FHIT: variants seen among roughly 807,000 people sequenced by gnomAD.
FHIT encodes fragile histidine triad diadenosine triphosphatase.
Under a neutral mutation model 17.9 loss-of-function variants are expected in FHIT, and 19 were observed. The observed-to-expected ratio is 1.06, with a 90% CI of 0.74 to 1.56. The LOEUF is 1.56. Ranked by LOEUF, FHIT falls within the 40% of genes most tolerant of loss-of-function variation. FHIT has a pLI of 0.00. For synonymous variants in FHIT, 81 were observed against 69.7 expected (o/e 1.16, Z -0.81); for missense variants, 248 against 189.2 (o/e 1.31, Z -1.82).
chr3:60,572,823 G>A (rs1490242826), intron 4 of FHIT, among the ~76,000 whole-genome samples: 2 of 152,150 alleles, frequency 1.3e-5, no homozygotes, highest in African/African-American at 4.8e-5. Context: ...AAAGGAAAGA[G>A]GTAATGGGAG....
intron 7 of FHIT, among the ~76,000 whole-genome samples, chr3:59,952,466 T>A (rs1453950040): frequency 1.3e-5 from 2 of 152,122 alleles, no homozygotes; most frequent in African/African-American, 4.8e-5. Context: ...GTTGTGCCAA[T>A]GTGACACGCC....
intron 4 of FHIT, among the ~76,000 whole-genome samples, chr3:60,736,683 A>G (rs1337215434): frequency 2.0e-5 from 3 of 152,222 alleles, no homozygotes; most frequent in Admixed American, 6.5e-5. Flanking sequence ...GTTTCTTTTC[A>G]GAGTGATGAA....
At chr3:60,749,540 A>G (rs2042425785) in intron 4 of FHIT, among the ~76,000 whole-genome samples, 1 of 152,196 alleles carries the variant, frequency 6.6e-6, no homozygotes, top group Admixed American at 6.6e-5. Context: ...AAAGAGAAGG[A>G]ACTAATGGTG....
intron 4 of FHIT, chr3:60,537,506 G>C (rs1576835164): frequency 2.1e-6 from 2 of 969,992 alleles, no homozygotes; most frequent in African/African-American, 3.5e-5. Context: ...AACTATTCTA[G>C]TAAAATCTCC....
At chr3:59,798,044 T>G (rs1164030540) in intron 8 of FHIT, among the ~76,000 whole-genome samples, 1 of 152,124 alleles carries the variant, frequency 6.6e-6, no homozygotes, top group Non-Finnish European at 1.5e-5. Context: ...CCATTTGTGT[T>G]TTGGTGATTT....
At chr3:61,021,059 C>T (rs530229716) in intron 3 of FHIT, among the ~76,000 whole-genome samples, 14 of 152,098 alleles carry the variant, frequency 9.2e-5, no homozygotes, top group Non-Finnish European at 1.0e-4. Flanking sequence ...TACAAAGAGA[C>T]TTAGACTACC....
intron 5 of FHIT, among the ~76,000 whole-genome samples, chr3:60,437,234 G>C (rs540851694): frequency 6.6e-6 from 1 of 152,100 alleles, no homozygotes; most frequent in African/African-American, 2.4e-5. Context: ...AAGACTGCTG[G>C]AGCCAGGCAA....
chr3:59,980,013 A>T (rs1708583565), intron 7 of FHIT, among the ~76,000 whole-genome samples: 1 of 152,116 alleles, frequency 6.6e-6, no homozygotes, highest in African/African-American at 2.4e-5. Context: ...CACCATATTG[A>T]CTTTTCTTCC....
At chr3:60,838,269 TC>T (rs1355272129) in intron 3 of FHIT, among the ~76,000 whole-genome samples, 3 of 152,136 alleles carry the variant, frequency 2.0e-5, no homozygotes, top group African/African-American at 7.2e-5. Context: ...GCTCAGGAGT[TC>T]GCGACGAACC....
chr3:59,995,404 G>A (rs1234934588), intron 7 of FHIT, among the ~76,000 whole-genome samples: 1 of 152,002 alleles, frequency 6.6e-6, no homozygotes, highest in Non-Finnish European at 1.5e-5. Flanking sequence ...TTAGTCTCTT[G>A]AGGAGGTAAT....
intron 3 of FHIT, among the ~76,000 whole-genome samples, chr3:61,021,286 A>C (rs1041255537): frequency 6.6e-6 from 1 of 151,984 alleles, no homozygotes; most frequent in African/African-American, 2.4e-5. Context: ...GAAGTAAAAC[A>C]CTCCTCAGCA....
chr3:60,824,709 C>T (rs1702052069), intron 3 of FHIT, among the ~76,000 whole-genome samples: 1 of 151,946 alleles, frequency 6.6e-6, no homozygotes. Flanking sequence ...TGGGTCTCTC[C>T]CATGCTGTTC....
chr3:60,859,527 G>C (rs1159167895), intron 3 of FHIT, among the ~76,000 whole-genome samples: 1 of 151,780 alleles, frequency 6.6e-6, no homozygotes, highest in Non-Finnish European at 1.5e-5. Flanking sequence ...TGGCAGAAGT[G>C]ATGTACACCC....
intron 8 of FHIT, among the ~76,000 whole-genome samples, chr3:59,862,454 G>T (rs1290937469): frequency 6.6e-6 from 1 of 152,174 alleles, no homozygotes; most frequent in Non-Finnish European, 1.5e-5. Flanking sequence ...CAATCAGCCA[G>T]CTAAGACCAA....
At chr3:60,858,959 T>C (rs1464665810) in intron 3 of FHIT, among the ~76,000 whole-genome samples, 1 of 152,178 alleles carries the variant, frequency 6.6e-6, no homozygotes, top group Non-Finnish European at 1.5e-5. Flanking sequence ...TCTCTCCCTG[T>C]CTATTCATCT....
chr3:59,941,596 G>C (rs771196963), intron 7 of FHIT, among the ~76,000 whole-genome samples: 1 of 152,138 alleles, frequency 6.6e-6, no homozygotes, highest in Non-Finnish European at 1.5e-5. Context: ...TGATGCTTGC[G>C]TTGTGGGTCT....
chr3:60,628,418 A>T (rs986348811), intron 4 of FHIT, among the ~76,000 whole-genome samples: 1 of 151,950 alleles, frequency 6.6e-6, no homozygotes, highest in Non-Finnish European at 1.5e-5. Context: ...TGAAGGTTTT[A>T]TCTCTTTCTC....
At chr3:60,358,766 G>A (rs1452159908) in intron 5 of FHIT, among the ~76,000 whole-genome samples, 2 of 152,186 alleles carry the variant, frequency 1.3e-5, no homozygotes, top group Non-Finnish European at 1.5e-5. Context: ...GGAGCCAGGT[G>A]AACTGGGTTA....
chr3:60,737,626 T>A (rs1246073106), intron 4 of FHIT, among the ~76,000 whole-genome samples: 1 of 152,234 alleles, frequency 6.6e-6, no homozygotes, highest in Non-Finnish European at 1.5e-5. Flanking sequence ...GTATTTCAGC[T>A]GCATCGTATG....
Sources: allele counts gnomAD v4.1 joint callset (sites outside exome capture counted in the v4.1 genomes callset), GRCh38; gene constraint gnomAD v4.1.1; transcripts MANE v1.5; gene names NCBI Gene and HGNC (gene_info 2026-07-23, HGNC 2026-07-21).